Variants in PMEPA1 observed in about 807,000 individuals in gnomAD.
PMEPA1 encodes prostate transmembrane protein, androgen induced 1, also known as protein TMEPAI.
Under a neutral mutation model 23.0 loss-of-function variants are expected in PMEPA1, and 11 were observed. That is an observed-to-expected ratio of 0.48 (90% confidence interval 0.30 to 0.79). The LOEUF (loss-of-function observed/expected upper bound fraction) is 0.79. Among genes scored for constraint, PMEPA1 ranks in the 30% least tolerant of loss-of-function variants. The pLI, the probability that PMEPA1 is intolerant of heterozygous loss-of-function variation, is 0.06. For missense variants in PMEPA1, 377 were observed against 390.9 expected (o/e 0.96, Z 0.30); for synonymous variants, 204 against 166.4 (o/e 1.23, Z -1.74).
At chr20:57,658,378 C>A (rs1276360438) in intron 2 of PMEPA1, among the ~76,000 whole-genome samples, 2 of 152,202 alleles carry the variant, frequency 1.3e-5, no homozygotes, top group African/African-American at 4.8e-5. Context: ...TGGCCACGGC[C>A]CTCGGCTTCC....
At chr20:57,676,989 C>T (rs2071645841) in intron 1 of PMEPA1, among the ~76,000 whole-genome samples, 1 of 152,230 alleles carries the variant, frequency 6.6e-6, no homozygotes, top group Non-Finnish European at 1.5e-5. Context: ...CCCCACCTCA[C>T]CACTGCACTT....
intron 1 of PMEPA1, among the ~76,000 whole-genome samples, chr20:57,669,142 C>CATTTATTTATTT (rs10523107): frequency 0.091 from 13,252 of 145,494 alleles, 848 homozygotes; most frequent in African/African-American, 0.16. Flanking sequence ...TAAAAAAGCA[C>CATTTATTTATTT]ATTTATTTAT....
rs2072148146 is a variant in PMEPA1 at position 57,709,913 on chromosome 20, G to A, written c.-331C>T. 2.0e-6 allele frequency: 2 copies of A among 1,009,292 alleles called. No individual in the cohort carries two copies. The highest frequency in any genetic ancestry group is 6.0e-5 in the Admixed American group (1 of 16,664). 62.5% of individuals were successfully genotyped at this position (1,009,292 alleles called of 1,614,324 possible). On this transcript the variant is annotated 5_prime_UTR_variant, in exon 1 of 4. Coordinates refer to ENST00000341744, the MANE Select transcript of PMEPA1 (RefSeq NM_020182.5). Reference sequence around the variant, plus strand: ...TGCCGCTAGCTTTCCCCAGCCGAGCGCCTCCGCCGCCGCCGCCGCCGCCGC... The same window carrying A: ...TGCCGCTAGCTTTCCCCAGCCGAGCACCTCCGCCGCCGCCGCCGCCGCCGC...
At chr20:57,694,519 C>T (rs536425264) in intron 1 of PMEPA1, among the ~76,000 whole-genome samples, 10 of 152,302 alleles carry the variant, frequency 6.6e-5, no homozygotes, top group African/African-American at 2.2e-4. Context: ...CCGTTTGCTT[C>T]GGGTTTATAG....
chr20:57,661,452 C>T (rs2071417662), intron 1 of PMEPA1, among the ~76,000 whole-genome samples: 1 of 152,208 alleles, frequency 6.6e-6, no homozygotes, highest in Admixed American at 6.5e-5. Flanking sequence ...AATGTGACTC[C>T]CCAGACCCCG....
chr20:57,678,992 G>T (rs1277697993), intron 1 of PMEPA1, among the ~76,000 whole-genome samples: 3 of 152,204 alleles, frequency 2.0e-5, no homozygotes, highest in Non-Finnish European at 4.4e-5. Flanking sequence ...AGCACTTCAG[G>T]CACAGAAGAG....
chr20:57,667,591 G>A (rs1001512216), intron 1 of PMEPA1, among the ~76,000 whole-genome samples: 2 of 152,214 alleles, frequency 1.3e-5, no homozygotes, highest in Non-Finnish European at 2.9e-5. Flanking sequence ...GGGAGGGGCA[G>A]CTGGCGTCCT....
chr20:57,694,419 A>G (rs760942779), intron 1 of PMEPA1, among the ~76,000 whole-genome samples: 1 of 152,258 alleles, frequency 6.6e-6, no homozygotes. Flanking sequence ...TGTGCTTGTT[A>G]TATTTTTCCT....
chr20:57,674,829 G>A (rs11697552), intron 1 of PMEPA1, among the ~76,000 whole-genome samples: 24,240 of 152,214 alleles, frequency 0.16, 2,155 homozygotes, highest in East Asian at 0.27. Context: ...CCTCAGGAGC[G>A]AGGGCACGCA....
In PMEPA1 at chr20:57,653,022, G is replaced by A. The variant is rs373696455; in HGVS notation, c.318+11C>T. 3.1e-6 allele frequency: 5 copies of A among 1,591,206 alleles called. No homozygotes were observed. The highest frequency in any genetic ancestry group is 4.3e-6 in the Non-Finnish European group (5 of 1,168,088). On this transcript the variant is annotated intron_variant, in intron 3 of 3. Transcript: ENST00000341744. Reference sequence around the variant, plus strand: ...TGGGGGTGTTGGAGGGGAGGCCGAGGGAGGTCTCACCTCTGGGATTCCGTT... The same window carrying A: ...TGGGGGTGTTGGAGGGGAGGCCGAGAGAGGTCTCACCTCTGGGATTCCGTT...
chr20:57,687,956 C>T lies in PMEPA1; in HGVS notation c.109+21518G>A, dbSNP rs1006420803. 3.3e-5 allele frequency among the ~76,000 whole-genome samples: 5 copies of T among 152,318 alleles called. No homozygotes were observed. In the East Asian group the frequency reaches 5.8e-4, roughly 18 times the overall value. On this transcript the variant is annotated intron_variant, in intron 1 of 3. Coordinates refer to ENST00000341744, the MANE Select transcript of PMEPA1 (RefSeq NM_020182.5). Reference sequence around the variant, plus strand: ...AGTAAGTCTGAACCTGCATCTAGATCGGGCCCTGACATTGGATCCACCCTG... The same window carrying T: ...AGTAAGTCTGAACCTGCATCTAGATTGGGCCCTGACATTGGATCCACCCTG...
chr20:57,690,577 G>A, intron 1 of PMEPA1: 3 of 1,258,074 alleles, frequency 2.4e-6, no homozygotes, highest in Non-Finnish European at 3.1e-6. Context: ...CCATTGCTAT[G>A]GCGGGTGTAG....
At chr20:57,680,975 G>A (rs942491141) in intron 1 of PMEPA1, among the ~76,000 whole-genome samples, 1 of 151,050 alleles carries the variant, frequency 6.6e-6, no homozygotes, top group Non-Finnish European at 1.5e-5. Context: ...ATCATCCCAC[G>A]GGTCGGGGCC....
At chr20:57,675,130 G>A (rs1038805043) in intron 1 of PMEPA1, among the ~76,000 whole-genome samples, 2 of 151,786 alleles carry the variant, frequency 1.3e-5, no homozygotes, top group African/African-American at 2.4e-5. Context: ...TCTGAGGCTC[G>A]GAGAGGTGCA....
At chr20:57,687,931 A>C (rs2071822846) in intron 1 of PMEPA1, among the ~76,000 whole-genome samples, 1 of 151,784 alleles carries the variant, frequency 6.6e-6, no homozygotes, top group South Asian at 2.1e-4. Context: ...TGTCCAGGGA[A>C]GTAAGTCTGA....
intron 1 of PMEPA1, 95 bp from the exon 2 acceptor site, chr20:57,659,792 G>A: frequency 3.4e-6 from 4 of 1,159,718 alleles, no homozygotes; most frequent in Non-Finnish European, 4.9e-6. Context: ...CCACCTAGGG[G>A]GACGAGAGTG....
At chr20:57,708,413 C>A (rs1373078674) in intron 1 of PMEPA1, among the ~76,000 whole-genome samples, 6 of 152,320 alleles carry the variant, frequency 3.9e-5, no homozygotes, top group African/African-American at 1.4e-4. Flanking sequence ...GTTCAATTCT[C>A]CACTCAACCA....
intron 1 of PMEPA1, among the ~76,000 whole-genome samples, chr20:57,708,396 G>T (rs2072116890): frequency 6.6e-6 from 1 of 152,222 alleles, no homozygotes; most frequent in African/African-American, 2.4e-5. Context: ...GAACCCGGGA[G>T]GTAGTGGTTC....
chr20:57,708,944 G>A (rs2072125108), intron 1 of PMEPA1, among the ~76,000 whole-genome samples: 1 of 151,812 alleles, frequency 6.6e-6, no homozygotes, highest in South Asian at 2.1e-4. Context: ...AGACGCCGAA[G>A]ACCCAGACAG....
Sources: gnomAD v4.1 joint callset for allele counts (sites outside exome capture counted in the v4.1 genomes callset) on GRCh38, gnomAD v4.1.1 for gene constraint, MANE v1.5 for transcripts, NCBI Gene and HGNC (gene_info 2026-07-23, HGNC 2026-07-21) for gene names.